The following SUFU variants were observed in gnomAD, a reference collection of about 807,000 sequenced individuals.
SUFU encodes the protein SUFU negative regulator of hedgehog signaling.
Under a neutral mutation model 58.9 loss-of-function variants are expected in SUFU, and 7 were observed. The ratio of observed to expected loss-of-function variants is 0.12; its 90% CI spans 0.07 to 0.22. The LOEUF (loss-of-function observed/expected upper bound fraction) is 0.22, where lower values mean the gene tolerates loss of function less well. SUFU is among the 10% of genes least tolerant of loss of function. The pLI is 1.00. For missense variants in SUFU, 451 were observed against 641.3 expected (o/e 0.70, Z 3.20); for synonymous variants, 232 against 254.8 (o/e 0.91, Z 0.85).
chr10:102,552,986 C>G (rs1473803770), intron 3 of SUFU, among the ~76,000 whole-genome samples: 1 of 152,136 alleles, frequency 6.6e-6, no homozygotes, highest in African/African-American at 2.4e-5. Context: ...AATATGTGCT[C>G]TGAGGCCCTT....
intron 3 of SUFU, among the ~76,000 whole-genome samples, chr10:102,565,433 A>G (rs565010744): frequency 1.7e-4 from 26 of 152,300 alleles, no homozygotes; most frequent in Non-Finnish European, 3.4e-4. Flanking sequence ...GGGGGTATGC[A>G]TCTCCTGCTG....
intron 3 of SUFU, among the ~76,000 whole-genome samples, chr10:102,573,570 A>G (rs561845794): frequency 6.6e-6 from 1 of 152,360 alleles, no homozygotes; most frequent in African/African-American, 2.4e-5. Context: ...GAAGTAACTC[A>G]AGTGTCCATC....
rs1450440488 is a variant in SUFU, at chr10:102,625,061, C to T, written c.1297-2114C>T. On this transcript the variant is annotated intron_variant, in intron 10 of 11. Transcript: ENST00000369902. This position sits in a 1 kb window ranked among gnomAD's most constrained non-coding sequence, Gnocchi z 4.7. ...CATTTGCAGAGATGGCAACGAGCCCCGGAAATGCCAAAAATATGAATGTAA... is the reference window on the plus strand; with the variant it reads ...CATTTGCAGAGATGGCAACGAGCCCTGGAAATGCCAAAAATATGAATGTAA... Among the ~76,000 whole-genome samples the T allele has an allele frequency of 2.0e-5, 3 of 152,182 alleles. No homozygotes were observed. The highest frequency in any genetic ancestry group is 7.2e-5 in the African/African-American group (3 of 41,442).
intron 3 of SUFU, chr10:102,591,640 G>C (rs1438606512): frequency 6.6e-6 from 1 of 152,042 alleles, no homozygotes; most frequent in Non-Finnish European, 1.5e-5. Context: ...AAAAAAAAAG[G>C]TGCTGTCTAA....
intron 2 of SUFU, among the ~76,000 whole-genome samples, chr10:102,545,219 C>T (rs2099373269): frequency 1.3e-5 from 2 of 151,746 alleles, no homozygotes; most frequent in Admixed American, 1.3e-4. Context: ...AGATGATTTT[C>T]CCACTGCCTC....
chr10:102,597,161 G>A lies in SUFU; in HGVS notation c.778G>A (p.Glu260Lys), dbSNP rs775245784. ...HLQERVDKGI[E>K]TDGSNLSGVS... ...GCAGGAGAGAGTTGACAAAGGCATC[G>A]AGACAGATGGCTCCAACCTGAGTGG... The change falls in exon 7 of 12, where the codon GAG (glutamate) becomes AAG (lysine). Residue 260 changes from glutamate (E) to lysine (K), a missense_variant. Glu to Lys is a moderately conservative substitution (Grantham distance 56, BLOSUM62 1). Transcript: ENST00000369902. The A allele has an allele frequency of 3.7e-6, 6 of 1,613,994 alleles. No homozygotes were observed. The highest frequency in any genetic ancestry group is 2.2e-5 in the South Asian group (2 of 91,062).
At chr10:102,568,585 A>G (rs1163492810) in intron 3 of SUFU, among the ~76,000 whole-genome samples, 3 of 152,030 alleles carry the variant, frequency 2.0e-5, no homozygotes, top group African/African-American at 4.8e-5. Flanking sequence ...CTAAGTAACT[A>G]TAGTTCAGCC....
At chr10:102,580,331 G>A (rs1590049879) in intron 3 of SUFU, among the ~76,000 whole-genome samples, 1 of 152,168 alleles carries the variant, frequency 6.6e-6, no homozygotes, top group South Asian at 2.1e-4. Context: ...CGCAGGATGT[G>A]TTTATTTTTT....
rs2063813323 is a variant in SUFU, at chr10:102,629,009, A to C, written c.1366-1057A>C. 6.6e-6 allele frequency among the ~76,000 whole-genome samples: 1 copy of C among 152,198 alleles called. No individual in the cohort carries two copies. ...CATCTCTACTAATAATACAATAATTAGCCGGGCTTGGTGGTGCATGCCTGT... is the reference window on the plus strand; with the variant it reads ...CATCTCTACTAATAATACAATAATTCGCCGGGCTTGGTGGTGCATGCCTGT... On this transcript the variant is annotated intron_variant, in intron 11 of 11. Coordinates refer to ENST00000369902, the MANE Select transcript of SUFU (RefSeq NM_016169.4). The surrounding 1 kb of genome is among the most constrained non-coding windows in gnomAD (Gnocchi z 4.7).
intron 2 of SUFU, among the ~76,000 whole-genome samples, chr10:102,524,255 C>T (rs1230841618): frequency 6.6e-6 from 1 of 151,814 alleles, no homozygotes; most frequent in African/African-American, 2.4e-5. Flanking sequence ...ATCCTTCTGT[C>T]TTGCCTCCTA....
chr10:102,610,191 G>A (rs2063607370), intron 8 of SUFU, among the ~76,000 whole-genome samples: 1 of 151,886 alleles, frequency 6.6e-6, no homozygotes, highest in African/African-American at 2.4e-5. Flanking sequence ...TCAGGAGTTC[G>A]AGACCAGCCT....
chr10:102,600,075 A>C (rs1034279530), intron 8 of SUFU, among the ~76,000 whole-genome samples: 3 of 152,104 alleles, frequency 2.0e-5, no homozygotes, highest in Non-Finnish European at 2.9e-5. Context: ...CTGCCTGTCC[A>C]GGGGCCCCTG....
intron 3 of SUFU, among the ~76,000 whole-genome samples, chr10:102,561,986 G>T (rs2063042591): frequency 6.6e-6 from 1 of 152,114 alleles, no homozygotes; most frequent in African/African-American, 2.4e-5. Flanking sequence ...CTTATACAGT[G>T]TGTTGCACAG....
At chr10:102,569,263 G>A (rs1043548803) in intron 3 of SUFU, among the ~76,000 whole-genome samples, 4 of 151,992 alleles carry the variant, frequency 2.6e-5, no homozygotes, top group Non-Finnish European at 5.9e-5. Flanking sequence ...CCCCTGCCGC[G>A]GCTGCCACTG....
chr10:102,597,007 C>G, intron 6 of SUFU, 133 bp from the exon 7 acceptor site: 1 of 1,062,432 alleles, frequency 9.4e-7, no homozygotes. Flanking sequence ...AGAGATCCTG[C>G]TCTCCAGCAT....
intron 3 of SUFU, among the ~76,000 whole-genome samples, chr10:102,557,668 G>C (rs1190972499): frequency 1.3e-5 from 2 of 152,122 alleles, no homozygotes; most frequent in Admixed American, 1.3e-4. Flanking sequence ...TGGCTCAGGT[G>C]ACTGGGACAA....
chr10:102,575,998 C>T (rs1564689243), intron 3 of SUFU, among the ~76,000 whole-genome samples: 2 of 144,940 alleles, frequency 1.4e-5, no homozygotes, highest in East Asian at 2.1e-4. Flanking sequence ...CACCATACCC[C>T]GCTAATTTTT....
intron 6 of SUFU, 95 bp downstream of exon 6, chr10:102,594,160 A>G (rs2063436431): frequency 1.6e-6 from 2 of 1,231,578 alleles, no homozygotes; most frequent in Non-Finnish European, 2.4e-6. Flanking sequence ...GAGGACCTTT[A>G]TGTGTGAGTG....
chr10:102,579,869 G>T (rs2063254871), intron 3 of SUFU: 5 of 985,302 alleles, frequency 5.1e-6, no homozygotes, highest in African/African-American at 3.5e-5. Context: ...GTGGGTGAGG[G>T]TAGGGGTTAA....
Sources: gnomAD v4.1 joint callset for allele counts (sites outside exome capture counted in the v4.1 genomes callset) on GRCh38, gnomAD v4.1.1 for gene constraint, Gnocchi (gnomAD v3.1) non-coding constraint, MANE v1.5 for transcripts, NCBI Gene and HGNC (gene_info 2026-07-23, HGNC 2026-07-21) for gene names.